Variants in LARGE1 observed in about 807,000 individuals in gnomAD.
LARGE1 encodes xylosyl- and glucuronyltransferase LARGE1.
LARGE1 carries 43 observed loss-of-function variants against 87.6 expected under a neutral mutation model. That is an observed-to-expected ratio of 0.49 (90% CI 0.38 to 0.63). The LOEUF is 0.63. LARGE1 is among the 30% of genes least tolerant of loss of function. The pLI is 0.00. For synonymous variants in LARGE1, 434 were observed against 394.6 expected (o/e 1.10, Z -1.18); for missense variants, 802 against 1,000.2 (o/e 0.80, Z 2.67).
chr22:33,684,481 CT>C (rs1427027317), intron 2 of LARGE1, among the ~76,000 whole-genome samples: 1 of 151,788 alleles, frequency 6.6e-6, no homozygotes, highest in Non-Finnish European at 1.5e-5. Context: ...AGAACCTTTC[CT>C]TTGAGAATGA....
At chr22:33,347,453 T>C (rs950167029) in intron 9 of LARGE1, among the ~76,000 whole-genome samples, 1 of 152,238 alleles carries the variant, frequency 6.6e-6, no homozygotes, top group Non-Finnish European at 1.5e-5. Flanking sequence ...CTGTCTACAG[T>C]AAATCAGTGA....
chr22:33,756,596 C>T (rs1382788382), intron 2 of LARGE1, among the ~76,000 whole-genome samples: 1 of 152,030 alleles, frequency 6.6e-6, no homozygotes, highest in Non-Finnish European at 1.5e-5. Flanking sequence ...AAGAGCAGAG[C>T]CCACAGAGGG....
intron 6 of LARGE1, among the ~76,000 whole-genome samples, chr22:33,538,241 T>C (rs1010960184): frequency 6.6e-6 from 1 of 152,226 alleles, no homozygotes; most frequent in Admixed American, 6.5e-5. Context: ...GTAACTCTCC[T>C]TCAACTATGC....
chr22:33,389,237 G>A (rs1601670085), intron 7 of LARGE1, among the ~76,000 whole-genome samples: 1 of 152,238 alleles, frequency 6.6e-6, no homozygotes, highest in Non-Finnish European at 1.5e-5. Context: ...CTGAACACAC[G>A]CACAGGCAAT....
chr22:33,404,627 G>GT (rs544568259), intron 7 of LARGE1, among the ~76,000 whole-genome samples: 59 of 152,184 alleles, frequency 3.9e-4, no homozygotes, highest in Non-Finnish European at 7.2e-4. Context: ...GATTAGCGAG[G>GT]TGTGCATTTA....
intron 6 of LARGE1, 48 bp downstream of exon 6, chr22:33,564,800 C>T (rs1433605317): frequency 6.2e-7 from 1 of 1,601,658 alleles, no homozygotes; most frequent in East Asian, 2.2e-5. Context: ...TCTTGGCATG[C>T]TGATACCTAC....
chr22:33,690,256 G>A (rs978380402), intron 2 of LARGE1, among the ~76,000 whole-genome samples: 2 of 152,208 alleles, frequency 1.3e-5, no homozygotes, highest in Admixed American at 6.5e-5. Flanking sequence ...TAACAGCTAC[G>A]TGACCTTCAG....
chr22:33,747,914 T>C (rs895266087), intron 2 of LARGE1: 1 of 149,118 alleles, frequency 6.7e-6, no homozygotes, highest in Non-Finnish European at 1.5e-5. Context: ...AAATGAATCA[T>C]AATTGTTATC....
At chr22:33,195,454 T>C (rs1298768232) in intron 11 of LARGE1, among the ~76,000 whole-genome samples, 1 of 152,034 alleles carries the variant, frequency 6.6e-6, no homozygotes, top group Non-Finnish European at 1.5e-5. Flanking sequence ...TTTATTAAAT[T>C]AAAAGATTGA....
the LARGE1 span, among the ~76,000 whole-genome samples, chr22:33,131,440 T>C: frequency 6.6e-6 from 1 of 152,160 alleles, no homozygotes; most frequent in Non-Finnish European, 1.5e-5. Flanking sequence ...GCCTCCTGTA[T>C]TAGTCTGTTC....
At chr22:33,579,716 G>A (rs1469623242) in intron 5 of LARGE1, among the ~76,000 whole-genome samples, 2 of 152,184 alleles carry the variant, frequency 1.3e-5, no homozygotes, top group Non-Finnish European at 2.9e-5. Flanking sequence ...CCATGCTAAA[G>A]TGTCATCCAG....
At chr22:33,518,885 C>T (rs2071432929) in intron 6 of LARGE1, among the ~76,000 whole-genome samples, 1 of 152,074 alleles carries the variant, frequency 6.6e-6, no homozygotes. Flanking sequence ...GTCATGTGTA[C>T]ATATATCCAG....
chr22:33,357,442 G>A (rs974912788), intron 9 of LARGE1, among the ~76,000 whole-genome samples: 6 of 152,082 alleles, frequency 3.9e-5, no homozygotes, highest in South Asian at 2.1e-4. Flanking sequence ...TAAAAGCCCC[G>A]ACTTCATCAC....
chr22:33,362,894 T>C (rs1418746283), intron 9 of LARGE1, among the ~76,000 whole-genome samples: 1 of 150,100 alleles, frequency 6.7e-6, no homozygotes, highest in Non-Finnish European at 1.5e-5. Context: ...CTTGTTTCAC[T>C]TTGAATGAAA....
chr22:33,562,578 A>G (rs1037062341), intron 6 of LARGE1, among the ~76,000 whole-genome samples: 2 of 152,100 alleles, frequency 1.3e-5, no homozygotes, highest in Admixed American at 6.5e-5. Flanking sequence ...ACCCTACTCA[A>G]CCCCAGGAGC....
At chr22:33,169,337 G>A (rs1251557405) in intron 11 of LARGE1, among the ~76,000 whole-genome samples, 2 of 152,004 alleles carry the variant, frequency 1.3e-5, no homozygotes, top group African/African-American at 4.8e-5. Context: ...TTCTTGTTAT[G>A]GGAAAGTCTT....
chr22:33,717,915 T>A (rs2082960065), intron 2 of LARGE1, among the ~76,000 whole-genome samples: 2 of 152,174 alleles, frequency 1.3e-5, no homozygotes, highest in African/African-American at 4.8e-5. Flanking sequence ...ACCACTCATG[T>A]CACCCCTGAG....
chr22:33,217,143 T>C (rs1925244829), intron 11 of LARGE1, among the ~76,000 whole-genome samples: 1 of 151,240 alleles, frequency 6.6e-6, no homozygotes, highest in South Asian at 2.1e-4. Context: ...ACAATATTCA[T>C]AGCATCATAC....
At chr22:33,378,532 A>G (rs996791890) in intron 9 of LARGE1, among the ~76,000 whole-genome samples, 5 of 152,178 alleles carry the variant, frequency 3.3e-5, no homozygotes, top group East Asian at 3.9e-4. Flanking sequence ...CTGTTGGCCT[A>G]TTGTCCCTCT....
Sources: allele counts gnomAD v4.1 joint callset (sites outside exome capture counted in the v4.1 genomes callset), GRCh38; gene constraint gnomAD v4.1.1; transcripts MANE v1.5; gene names NCBI Gene and HGNC (gene_info 2026-07-23, HGNC 2026-07-21).